TRAPPC9: variants seen among roughly 807,000 people sequenced by gnomAD.
TRAPPC9 encodes trafficking protein particle complex subunit 9.
Under a neutral mutation model 124.0 loss-of-function variants are expected in TRAPPC9, and 83 were observed. That is an observed-to-expected ratio of 0.67 (90% CI 0.56 to 0.80). TRAPPC9 has a LOEUF of 0.80. Ranked by LOEUF, TRAPPC9 falls within the 30% of genes least tolerant of loss-of-function variation. The probability of loss-of-function intolerance (pLI) is 0.00; values close to 1 mark genes in which losing one functional copy is unlikely to be tolerated. For synonymous variants in TRAPPC9, 638 were observed against 617.5 expected (o/e 1.03, Z -0.49); for missense variants, 1,302 against 1,508.3 (o/e 0.86, Z 2.27).
At chr8:140,126,859 T>A (rs760429250) in intron 17 of TRAPPC9, among the ~76,000 whole-genome samples, 3 of 152,212 alleles carry the variant, frequency 2.0e-5, no homozygotes, top group Non-Finnish European at 4.4e-5. Flanking sequence ...CCTCAGTATT[T>A]GGACGACACT....
intron 21 of TRAPPC9, among the ~76,000 whole-genome samples, chr8:139,817,379 C>A (rs1018156843): frequency 6.6e-6 from 1 of 152,216 alleles, no homozygotes; most frequent in African/African-American, 2.4e-5. Flanking sequence ...AGTTACATCT[C>A]AGGAGTTCCT....
intron 16 of TRAPPC9, among the ~76,000 whole-genome samples, chr8:140,240,081 C>T (rs543248303): frequency 6.6e-6 from 1 of 152,140 alleles, no homozygotes; most frequent in Admixed American, 6.5e-5. Context: ...TGGAAGCATC[C>T]GTTATCATTA....
chr8:140,079,668 T>G (rs550758637), intron 17 of TRAPPC9, among the ~76,000 whole-genome samples: 67 of 152,292 alleles, frequency 4.4e-4, no homozygotes, highest in Non-Finnish European at 1.2e-4. Context: ...TGGTGGCTCA[T>G]GCCTGCAATC....
At chr8:139,944,472 T>C (rs1260595481) in intron 19 of TRAPPC9, among the ~76,000 whole-genome samples, 1 of 152,246 alleles carries the variant, frequency 6.6e-6, no homozygotes, top group Non-Finnish European at 1.5e-5. Flanking sequence ...ACCGATGTGG[T>C]TGCAAATATT....
At chr8:140,291,767 G>A (rs752527595) in intron 11 of TRAPPC9, among the ~76,000 whole-genome samples, 2 of 152,238 alleles carry the variant, frequency 1.3e-5, no homozygotes, top group South Asian at 4.1e-4. Flanking sequence ...AGGTGAGACC[G>A]CACAGGAGAC....
Position 140,073,354 on chromosome 8 carries a change from A to G in TRAPPC9, c.2557-49275T>C, listed in dbSNP as rs116974753. ...AAACAAATTACAGTGTGTCCATGCA[A>G]TGGATTACTAATTGAGCAATAAAAA... On this transcript the variant is annotated intron_variant, in intron 17 of 22. Coordinates refer to ENST00000438773, the MANE Select transcript of TRAPPC9 (RefSeq NM_001160372.4). Among the ~76,000 whole-genome samples the G allele has an allele frequency of 7.0e-3, 1,061 of 152,356 alleles. 7 individuals are homozygous for G. Among genetic ancestry groups the G allele is most frequent in the Middle Eastern group, 0.02 (6 of 294 alleles).
intron 17 of TRAPPC9, among the ~76,000 whole-genome samples, chr8:140,121,008 T>C (rs2060977352): frequency 6.6e-6 from 1 of 152,228 alleles, no homozygotes; most frequent in Non-Finnish European, 1.5e-5. Flanking sequence ...CAACAAATAC[T>C]GTGGAAGTTT....
At chr8:140,070,636 C>T (rs1361852769) in intron 17 of TRAPPC9, among the ~76,000 whole-genome samples, 2 of 152,148 alleles carry the variant, frequency 1.3e-5, no homozygotes, top group Non-Finnish European at 2.9e-5. Flanking sequence ...CGAAATTGAC[C>T]ATAGTGACAG....
At chr8:140,411,798 T>A (rs2069715964) in intron 5 of TRAPPC9, among the ~76,000 whole-genome samples, 1 of 151,600 alleles carries the variant, frequency 6.6e-6, no homozygotes, top group Non-Finnish European at 1.5e-5. Flanking sequence ...GATTAGAACC[T>A]ACTAAAAAAA....
chr8:140,211,017 T>C (rs1310263191), intron 17 of TRAPPC9, among the ~76,000 whole-genome samples: 1 of 151,912 alleles, frequency 6.6e-6, no homozygotes, highest in East Asian at 1.9e-4. Context: ...CTAGGGTTTT[T>C]TTTTTTTTAA....
chr8:140,430,266 A>G (rs558411329), intron 4 of TRAPPC9, among the ~76,000 whole-genome samples: 1 of 152,332 alleles, frequency 6.6e-6, no homozygotes, highest in Admixed American at 6.5e-5. Flanking sequence ...TGTTACAAAG[A>G]AAGAACTGTC....
At chr8:139,833,605 A>G (rs1213393404) in intron 21 of TRAPPC9, among the ~76,000 whole-genome samples, 1 of 152,226 alleles carries the variant, frequency 6.6e-6, no homozygotes, top group Non-Finnish European at 1.5e-5. Context: ...GCAGGCCTTG[A>G]CGGGTGGTTC....
chr8:140,157,785 T>C (rs1272184930), intron 17 of TRAPPC9, among the ~76,000 whole-genome samples: 1 of 152,072 alleles, frequency 6.6e-6, no homozygotes, highest in Non-Finnish European at 1.5e-5. Flanking sequence ...AGAAGAAAAA[T>C]TGCCTATAAT....
intron 21 of TRAPPC9, among the ~76,000 whole-genome samples, chr8:139,838,585 G>C (rs773848886): frequency 3.3e-5 from 5 of 152,116 alleles, no homozygotes; most frequent in Non-Finnish European, 7.4e-5. Flanking sequence ...CACCCTGGCG[G>C]GTCTCCTTGG....
intron 15 of TRAPPC9, among the ~76,000 whole-genome samples, chr8:140,266,943 G>A (rs1463742543): frequency 2.0e-5 from 3 of 152,090 alleles, no homozygotes; most frequent in East Asian, 1.9e-4. Context: ...AAGCCCCAAC[G>A]ACAGTCTAGA....
chr8:139,824,678 G>A (rs1052515891), intron 21 of TRAPPC9, among the ~76,000 whole-genome samples: 1 of 151,996 alleles, frequency 6.6e-6, no homozygotes, highest in Non-Finnish European at 1.5e-5. Flanking sequence ...CTTGAGCATC[G>A]GCCTCTGGAG....
At chr8:140,261,475 C>A (rs1419851687) in intron 15 of TRAPPC9, among the ~76,000 whole-genome samples, 5 of 152,130 alleles carry the variant, frequency 3.3e-5, no homozygotes, top group Non-Finnish European at 5.9e-5. Context: ...GTTTATAATA[C>A]CATTACACAT....
Position 139,731,211 on chromosome 8 carries a change from C to T in TRAPPC9, c.3297G>A (p.Gln1099=). 1 of 1,613,562 alleles carries T rather than the reference C, an allele frequency of 6.2e-7. No homozygotes were observed. Among genetic ancestry groups the T allele is most frequent in the African/African-American group, 1.3e-5 (1 of 75,044 alleles). Residue 1099 remains glutamine (Q), a synonymous_variant, in exon 23 of 23, where the codon CAG becomes CAA. Transcript: ENST00000438773. ...FYLDAVQPSG[Q]SACLGALLFL... ...AGAGGAGGGCCCCGAGGCAGGCCGA[C>T]TGGCCGGACGGCTGCACCTGAGCAG...
chr8:140,179,307 T>C (rs188574949), intron 17 of TRAPPC9, among the ~76,000 whole-genome samples: 1 of 152,250 alleles, frequency 6.6e-6, no homozygotes, highest in East Asian at 1.9e-4. Context: ...GTTTTCAAAT[T>C]ACCCTGTGAT....
Sources: allele counts gnomAD v4.1 joint callset (sites outside exome capture counted in the v4.1 genomes callset), GRCh38; gene constraint gnomAD v4.1.1; transcripts MANE v1.5; gene names NCBI Gene and HGNC (gene_info 2026-07-23, HGNC 2026-07-21).